OGT: variants seen among roughly 807,000 people sequenced by gnomAD.
OGT encodes O-linked N-acetylglucosamine (GlcNAc) transferase.
A neutral mutation model predicts 75.8 loss-of-function variants in OGT; 3 were observed. The observed-to-expected ratio is 0.04, with a 90% confidence interval of 0.02 to 0.10. The LOEUF (loss-of-function observed/expected upper bound fraction) is 0.10. Ranked by LOEUF, OGT falls within the 10% of genes least tolerant of loss-of-function variation. The pLI is 1.00. For missense variants in OGT, 260 were observed against 824.4 expected, an observed-to-expected ratio of 0.32 and a Z score of 8.38; for synonymous variants, 257 against 289.7, an observed-to-expected ratio of 0.89 and a Z score of 1.15.
intron 5 of OGT, among the ~76,000 whole-genome samples, chrX:71,552,550 G>A (rs1005008192): frequency 9.1e-6 from 1 of 109,534 alleles, no homozygotes; most frequent in African/African-American, 3.3e-5. Flanking sequence ...CATCATGCCC[G>A]GCTAGCTTTT....
rs1020766164 is a variant in OGT, at chrX:71,533,862, C to G, written c.37+526C>G. ...TCACTTTGCATCACCCGAGGACGATCAAAAGCTCGTCGATGGTGCCACAAG... is the reference window on the plus strand; with the variant it reads ...TCACTTTGCATCACCCGAGGACGATGAAAAGCTCGTCGATGGTGCCACAAG... On this transcript the variant is annotated intron_variant, in intron 1 of 21. Transcript: ENST00000373719. 6.8e-4 allele frequency among the ~76,000 whole-genome samples: 76 copies of G among 111,276 alleles called. 1 individual carries two copies. The highest frequency in any genetic ancestry group is 2.4e-3 in the African/African-American group (72 of 30,600).
At chrX:71,567,937 T>C (rs2040426948) in intron 20 of OGT, 56 bp from the exon 21 acceptor site, 1 of 1,168,392 alleles carries the variant, frequency 8.6e-7, no homozygotes. Context: ...TAAATAACAT[T>C]AACTCTGTGC....
intron 4 of OGT, chrX:71,546,717 AT>A: frequency 1.3e-6 from 1 of 751,394 alleles, no homozygotes. Context: ...CTTGTTGTTC[AT>A]TTTTTTTCCT....
chrX:71,567,433 C>T (rs181368937), intron 19 of OGT, 67 bp from the exon 20 acceptor site: 1 of 951,147 alleles, frequency 1.1e-6, no homozygotes, highest in East Asian at 3.1e-5. Context: ...TATTAGAGAC[C>T]TCTGGGAGTC....
intron 2 of OGT, chrX:71,536,805 A>G: frequency 6.5e-6 from 1 of 153,461 alleles, no homozygotes; most frequent in Admixed American, 8.5e-5. Context: ...GAATTAATCA[A>G]AAGGGAAGAA....
At chrX:71,557,452 A>G in intron 11 of OGT, 41 bp from the exon 12 acceptor site, 1 of 1,170,110 alleles carries the variant, frequency 8.5e-7, no homozygotes, top group East Asian at 3.0e-5. Flanking sequence ...AAATCCTGGG[A>G]TAGGACTTTC....
Position 71,575,395 on chromosome X carries a change from A to G in OGT, c.*1601A>G, listed in dbSNP as rs963905619. 11 of 112,578 alleles carry G rather than the reference A, an allele frequency of 9.8e-5. No individual in the cohort carries two copies. The highest frequency in any genetic ancestry group is 3.6e-4 in the African/African-American group (11 of 30,881). 9.3% of individuals were successfully genotyped at this position (112,578 alleles called of 1,213,427 possible). A position where few individuals can be genotyped will look rare whatever the true frequency, so the allele number is the denominator to read the frequency against. Reference sequence around the variant, plus strand: ...CAAGGAGTCTCAAAGGTAATTCTGAACCAGAATTACATGTTAATGAACAGT... The same window carrying G: ...CAAGGAGTCTCAAAGGTAATTCTGAGCCAGAATTACATGTTAATGAACAGT... On this transcript the variant is annotated 3_prime_UTR_variant, in exon 22 of 22. Transcript: ENST00000373719.
chrX:71,543,695 A>G (rs140340183), intron 3 of OGT, among the ~76,000 whole-genome samples: 1,375 of 106,601 alleles, frequency 0.013, 26 homozygotes, highest in African/African-American at 0.045. Context: ...GAAGTGATTC[A>G]TCATAACCTT....
intron 19 of OGT, among the ~76,000 whole-genome samples, chrX:71,567,000 C>G (rs1356215076): frequency 8.9e-6 from 1 of 112,633 alleles, no homozygotes; most frequent in African/African-American, 3.2e-5. Flanking sequence ...GGACACATAG[C>G]TATGCCTACT....
chrX:71,539,295 C>T (rs775613319), intron 3 of OGT, among the ~76,000 whole-genome samples: 5 of 112,682 alleles, frequency 4.4e-5, no homozygotes, highest in South Asian at 7.3e-4. Context: ...TATCTATTAA[C>T]AATTTTTGTA....
intron 5 of OGT, among the ~76,000 whole-genome samples, chrX:71,552,689 T>C (rs1256288388): frequency 9.1e-6 from 1 of 109,609 alleles, no homozygotes; most frequent in Non-Finnish European, 1.9e-5. Flanking sequence ...CCAGCTGATA[T>C]TTAATATGAA....
chrX:71,533,820 C>T (rs1318446941), intron 1 of OGT, among the ~76,000 whole-genome samples: 10 of 109,741 alleles, frequency 9.1e-5, no homozygotes, highest in Non-Finnish European at 1.9e-4. Flanking sequence ...GGGTGCCGTT[C>T]CGATGTAATC....
At chrX:71,561,742 A>C in intron 14 of OGT, 33 bp from the exon 15 acceptor site, 4 of 1,139,126 alleles carry the variant, frequency 3.5e-6, no homozygotes, top group Non-Finnish European at 4.7e-6. Context: ...ATCTGAGATT[A>C]TACATAGTGA....
Position 71,562,830 on chromosome X carries a change from G to A in OGT, c.1978-17G>A. The A allele has an allele frequency of 8.5e-7, 1 of 1,173,753 alleles. No individual in the cohort carries two copies. The highest frequency in any genetic ancestry group is 1.9e-5 in the South Asian group (1 of 51,956). On this transcript the variant is annotated splice_polypyrimidine_tract_variant and intron_variant, in intron 15 of 21. Transcript: ENST00000373719. Reference sequence around the variant, plus strand: ...TGATAAAAGTTCTTAATCAGTTTTTGATCTGATTTTTTTAAGGCAATGTGG... The same window carrying A: ...TGATAAAAGTTCTTAATCAGTTTTTAATCTGATTTTTTTAAGGCAATGTGG...
intron 5 of OGT, among the ~76,000 whole-genome samples, chrX:71,548,509 A>G (rs1366339270): frequency 1.8e-5 from 2 of 112,028 alleles, no homozygotes; most frequent in African/African-American, 6.5e-5. Flanking sequence ...TAGCAAAGAC[A>G]TGGAATCAAC....
chrX:71,568,932 A>G (rs999301998), intron 21 of OGT, among the ~76,000 whole-genome samples: 2 of 112,301 alleles, frequency 1.8e-5, no homozygotes, highest in East Asian at 2.8e-4. Flanking sequence ...CCTATACAAT[A>G]AAAAGATTTT....
chrX:71,563,281 G>C (rs2040396106), intron 17 of OGT, 35 bp downstream of exon 17: 1 of 1,196,806 alleles, frequency 8.4e-7, no homozygotes, highest in African/African-American at 1.8e-5. Flanking sequence ...TTGAAATAAA[G>C]TTAACTGCAT....
chrX:71,550,687 A>G (rs1216600838), intron 5 of OGT, among the ~76,000 whole-genome samples: 1 of 112,223 alleles, frequency 8.9e-6, no homozygotes, highest in Non-Finnish European at 1.9e-5. Context: ...GGGGTTGCCT[A>G]TTCACTCTGT....
chrX:71,549,523 A>G (rs2040287207), intron 5 of OGT, among the ~76,000 whole-genome samples: 1 of 108,037 alleles, frequency 9.3e-6, no homozygotes, highest in African/African-American at 3.4e-5. Context: ...GCTGTGGCTC[A>G]CACCTGTAAT....
Sources: allele counts gnomAD v4.1 joint callset (sites outside exome capture counted in the v4.1 genomes callset), GRCh38; gene constraint gnomAD v4.1.1; transcripts MANE v1.5; gene names NCBI Gene and HGNC (gene_info 2026-07-23, HGNC 2026-07-21).